The following GRID2 variants were observed in gnomAD, a reference collection of about 807,000 sequenced individuals.
The protein encoded by GRID2 is glutamate ionotropic receptor delta type subunit 2.
In GRID2, 33 loss-of-function variants were observed where a neutral mutation model predicts 114.8. That is an observed-to-expected ratio of 0.29 (90% CI 0.22 to 0.38). The LOEUF is 0.38. Ranked by LOEUF, GRID2 falls within the 10% of genes least tolerant of loss-of-function variation. The probability of loss-of-function intolerance (pLI) is 1.00; values close to 1 mark genes in which losing one functional copy is unlikely to be tolerated. For synonymous variants in GRID2, 505 were observed against 449.9 expected, an observed-to-expected ratio of 1.12 and a Z score of -1.55; for missense variants, 1,184 against 1,257.7, an observed-to-expected ratio of 0.94 and a Z score of 0.89.
intron 1 of GRID2, among the ~76,000 whole-genome samples, chr4:92,408,718 T>C (rs10007004): frequency 6.6e-6 from 1 of 152,068 alleles, no homozygotes; most frequent in African/African-American, 2.4e-5. Context: ...AACTCCTAGG[T>C]ATTTCATTTT....
intron 5 of GRID2, among the ~76,000 whole-genome samples, chr4:93,215,057 T>G (rs1290257025): frequency 1.3e-5 from 2 of 152,052 alleles, no homozygotes; most frequent in African/African-American, 4.8e-5. Flanking sequence ...GTATCATCTG[T>G]TAGCAGAAAA....
At chr4:92,884,133 A>G (rs1336263366) in intron 2 of GRID2, among the ~76,000 whole-genome samples, 2 of 152,208 alleles carry the variant, frequency 1.3e-5, no homozygotes, top group Non-Finnish European at 2.9e-5. Context: ...CTTCTACATC[A>G]GCACCTGCTG....
intron 13 of GRID2, among the ~76,000 whole-genome samples, chr4:93,576,943 A>G (rs1347110677): frequency 6.6e-6 from 1 of 152,204 alleles, no homozygotes; most frequent in Non-Finnish European, 1.5e-5. Flanking sequence ...GCTTGAACAA[A>G]TATTGTTTCT....
Position 92,881,889 on chromosome 4 carries a change from C to T in GRID2, c.245-203106C>T, listed in dbSNP as rs145104748. 3.1e-3 allele frequency among the ~76,000 whole-genome samples: 479 copies of T among 152,156 alleles called. 5 individuals carry two copies. The highest frequency in any genetic ancestry group is 0.011 in the African/African-American group (457 of 41,526). On this transcript the variant is annotated intron_variant, in intron 2 of 15. Coordinates refer to ENST00000282020, the MANE Select transcript of GRID2 (RefSeq NM_001510.4). ...TTTTAAAAAGTATTATACTTTTAAA[C>T]ATATTGTTTTAAAAATAAAATTAGA...
intron 10 of GRID2, among the ~76,000 whole-genome samples, chr4:93,437,552 A>G (rs555599019): frequency 2.0e-5 from 3 of 152,268 alleles, no homozygotes; most frequent in Admixed American, 2.0e-4. Context: ...ATAAGATTAC[A>G]TAGAGAAAGA....
intron 2 of GRID2, among the ~76,000 whole-genome samples, chr4:92,925,338 T>C (rs1401976353): frequency 6.6e-6 from 1 of 152,062 alleles, no homozygotes; most frequent in Admixed American, 6.6e-5. Flanking sequence ...GTGTCACTCA[T>C]GTCAAGAAAC....
chr4:93,032,677 A>G (rs958780142), intron 2 of GRID2, among the ~76,000 whole-genome samples: 4 of 152,184 alleles, frequency 2.6e-5, no homozygotes, highest in Non-Finnish European at 5.9e-5. Flanking sequence ...TTTTGCAGAT[A>G]CAGTCACAGA....
chr4:92,970,137 A>T (rs577292990), intron 2 of GRID2, among the ~76,000 whole-genome samples: 2 of 152,074 alleles, frequency 1.3e-5, no homozygotes, highest in South Asian at 4.1e-4. Flanking sequence ...GGTTAGACTA[A>T]CAAATATTGT....
intron 4 of GRID2, among the ~76,000 whole-genome samples, chr4:93,149,197 C>T (rs966084478): frequency 6.6e-6 from 1 of 152,150 alleles, no homozygotes; most frequent in Non-Finnish European, 1.5e-5. Flanking sequence ...ATATAAAATT[C>T]AAAATCTCCA....
intron 13 of GRID2, among the ~76,000 whole-genome samples, chr4:93,594,618 C>T (rs1738837843): frequency 6.6e-6 from 1 of 152,342 alleles, no homozygotes; most frequent in Middle Eastern, 3.4e-3. Flanking sequence ...TTTACCTAAG[C>T]AAGCCTGGGC....
At chr4:93,684,157 T>G (rs1480168196) in intron 14 of GRID2, among the ~76,000 whole-genome samples, 1 of 152,194 alleles carries the variant, frequency 6.6e-6, no homozygotes, top group Non-Finnish European at 1.5e-5. Context: ...AATAGCATAT[T>G]AGATTATTGT....
intron 1 of GRID2, among the ~76,000 whole-genome samples, chr4:92,530,946 A>C (rs1725324688): frequency 6.6e-6 from 1 of 151,856 alleles, no homozygotes; most frequent in South Asian, 2.1e-4. Flanking sequence ...CAATTCCCAA[A>C]TTTGAATATA....
At chr4:92,820,324 C>A (rs1741192538) in intron 2 of GRID2, among the ~76,000 whole-genome samples, 1 of 152,076 alleles carries the variant, frequency 6.6e-6, no homozygotes, top group African/African-American at 2.4e-5. Context: ...ATGCTGTGAA[C>A]TCGATGTGAG....
chr4:93,449,791 T>C (rs925001578), intron 10 of GRID2, among the ~76,000 whole-genome samples: 1 of 152,002 alleles, frequency 6.6e-6, no homozygotes, highest in African/African-American at 2.4e-5. Flanking sequence ...TTACTAGTAA[T>C]GTGAATGAAG....
intron 8 of GRID2, among the ~76,000 whole-genome samples, chr4:93,320,708 G>T (rs2149207838): frequency 6.6e-6 from 1 of 151,820 alleles, no homozygotes; most frequent in East Asian, 1.9e-4. Flanking sequence ...TAATATTGCT[G>T]GGTTTTTTTA....
chr4:92,440,355 G>GA (rs1213909583), intron 1 of GRID2, among the ~76,000 whole-genome samples: 3 of 127,186 alleles, frequency 2.4e-5, no homozygotes, highest in African/African-American at 7.6e-5. Context: ...CTGACAGAAG[G>GA]GAAGAAATGA....
chr4:92,375,788 G>A (rs1475948320), intron 1 of GRID2, among the ~76,000 whole-genome samples: 3 of 152,108 alleles, frequency 2.0e-5, no homozygotes, highest in East Asian at 1.9e-4. Context: ...AAAGCATGAG[G>A]AAATGTGCTC....
At chr4:92,542,145 A>T (rs376255262) in intron 1 of GRID2, among the ~76,000 whole-genome samples, 13 of 152,106 alleles carry the variant, frequency 8.5e-5, no homozygotes, top group African/African-American at 3.1e-4. Context: ...CTGATATGGT[A>T]TAATAATTAT....
chr4:93,005,101 T>C (rs1488063774), intron 2 of GRID2, among the ~76,000 whole-genome samples: 1 of 152,074 alleles, frequency 6.6e-6, no homozygotes, highest in Non-Finnish European at 1.5e-5. Context: ...ATTCACTCAT[T>C]CAACACCCAT....
Sources: gnomAD v4.1 joint callset for allele counts (sites outside exome capture counted in the v4.1 genomes callset) on GRCh38, gnomAD v4.1.1 for gene constraint, MANE v1.5 for transcripts, NCBI Gene and HGNC (gene_info 2026-07-23, HGNC 2026-07-21) for gene names.